TARBP1: variants seen among roughly 807,000 people sequenced by gnomAD.
The protein encoded by TARBP1 is tRNA (guanosine(18)-2'-O)-methyltransferase TARBP1.
In TARBP1, 144 loss-of-function variants were observed where a neutral mutation model predicts 178.6. The observed-to-expected ratio is 0.81, with a 90% confidence interval of 0.70 to 0.93. The LOEUF is 0.93. Ranked by LOEUF, TARBP1 falls within the 40% of genes least tolerant of loss-of-function variation. TARBP1 has a pLI of 0.00. For synonymous variants in TARBP1, 787 were observed against 781.0 expected (o/e 1.01, Z -0.13); for missense variants, 2,067 against 2,011.7 (o/e 1.03, Z -0.53).
chr1:234,434,883 G>A (rs1664844055), intron 13 of TARBP1, among the ~76,000 whole-genome samples: 1 of 152,174 alleles, frequency 6.6e-6, no homozygotes, highest in South Asian at 2.1e-4. Context: ...GGCTGGGGCA[G>A]GAGAAGCATG....
chr1:234,437,943 CG>C (rs1665200221), intron 12 of TARBP1, among the ~76,000 whole-genome samples: 1 of 152,184 alleles, frequency 6.6e-6, no homozygotes, highest in South Asian at 2.1e-4. Context: ...TGCACATGCA[CG>C]GATCTGATGC....
In TARBP1 at chr1:234,478,643, C is replaced by T. The variant is rs1325314066; in HGVS notation, c.461G>A (p.Arg154His). Residue 154 changes from arginine (R) to histidine (H), a missense_variant, in exon 1 of 30, where the codon CGC (arginine) becomes CAC (histidine). Physicochemically the swap from Arg to His is conservative, Grantham distance 29. Coordinates refer to ENST00000040877, the MANE Select transcript of TARBP1 (RefSeq NM_005646.4). ...GCGCTCCAGTAGCGGCCCGTCCTCG[C>T]GGGGCCGCAAACATGGCCCGACGGC... ...LAAVGPCLRP[R>H]EDGPLLERVA... 7.8e-7 allele frequency: 1 copy of T among 1,285,506 alleles called. No individual in the cohort carries two copies. The highest frequency in any genetic ancestry group is 9.8e-7 in the Non-Finnish European group (1 of 1,016,562). The allele number at this position is 1,285,506 out of a possible 1,614,324, so 79.6% of individuals were successfully genotyped here.
intron 20 of TARBP1, among the ~76,000 whole-genome samples, chr1:234,422,767 A>G (rs867904809): frequency 2.6e-5 from 4 of 152,256 alleles, no homozygotes; most frequent in Non-Finnish European, 5.9e-5. Flanking sequence ...TAAAGCATAA[A>G]TGCTTGAGGT....
intron 23 of TARBP1, among the ~76,000 whole-genome samples, chr1:234,408,993 C>T (rs1661541561): frequency 6.6e-6 from 1 of 152,190 alleles, no homozygotes; most frequent in Admixed American, 6.5e-5. Flanking sequence ...ATCCCACATG[C>T]AGGTTAAGTA....
At chr1:234,406,348 G>A (rs1033235676) in intron 23 of TARBP1, 38 of 470,502 alleles carry the variant, frequency 8.1e-5, no homozygotes, top group African/African-American at 1.2e-4. Context: ...ATTTCCCCCC[G>A]CCCCCCATAC....
Position 234,456,547 on chromosome 1 carries a change from T to A in TARBP1, c.1722+1120A>T, listed in dbSNP as rs188965189. Reference sequence around the variant, plus strand: ...AAGAAAAGGAACTAATACAATAAATTTTAAATGATACAATCAACTGCATTT... The same window carrying A: ...AAGAAAAGGAACTAATACAATAAATATTAAATGATACAATCAACTGCATTT... On this transcript the variant is annotated intron_variant, in intron 9 of 29. Coordinates refer to ENST00000040877, the MANE Select transcript of TARBP1 (RefSeq NM_005646.4). Among the ~76,000 whole-genome samples, 27 of 152,326 alleles carry A rather than the reference T, an allele frequency of 1.8e-4. No individual in the cohort carries two copies. The East Asian group carries it at 3.1e-3, about 17-fold the overall frequency.
chr1:234,409,130 C>T (rs1201984972), intron 23 of TARBP1, among the ~76,000 whole-genome samples: 1 of 151,822 alleles, frequency 6.6e-6, no homozygotes, highest in Non-Finnish European at 1.5e-5. Flanking sequence ...TCAACTTGGC[C>T]TTTTCTTAGG....
intron 25 of TARBP1, among the ~76,000 whole-genome samples, chr1:234,399,860 G>A (rs1221515024): frequency 2.4e-5 from 3 of 126,408 alleles, no homozygotes; most frequent in African/African-American, 5.9e-5. Flanking sequence ...ACAGGAAGGG[G>A]AACATTACAC....
intron 17 of TARBP1, among the ~76,000 whole-genome samples, chr1:234,428,463 G>A (rs1308543588): frequency 2.6e-5 from 4 of 152,134 alleles, no homozygotes; most frequent in African/African-American, 4.8e-5. Flanking sequence ...TCAACCGAGC[G>A]ATCAATTACA....
intron 12 of TARBP1, among the ~76,000 whole-genome samples, chr1:234,446,149 A>G (rs1666157164): frequency 1.3e-5 from 2 of 152,334 alleles, no homozygotes; most frequent in South Asian, 4.1e-4. Flanking sequence ...TTTAAACAGG[A>G]AATTTCTAAA....
intron 8 of TARBP1, among the ~76,000 whole-genome samples, chr1:234,458,144 G>C (rs903638006): frequency 2.0e-5 from 3 of 152,130 alleles, no homozygotes; most frequent in African/African-American, 4.8e-5. Context: ...AGGAGTTCGA[G>C]ACCAGCCTGG....
chr1:234,437,239 G>A, intron 13 of TARBP1, 36 bp downstream of exon 13: 1 of 1,115,750 alleles, frequency 9.0e-7, no homozygotes, highest in East Asian at 2.5e-5. Context: ...AAGAATGAAA[G>A]AAATGAAAAA....
intron 20 of TARBP1, among the ~76,000 whole-genome samples, chr1:234,421,518 G>GCC (rs34306371): frequency 0.47 from 71,559 of 151,926 alleles, 17,028 homozygotes; most frequent in African/African-American, 0.49. Context: ...CTCACCTTGT[G>GCC]CCCCCGTGTC....
Position 234,425,763 on chromosome 1 carries a change from A to G in TARBP1, c.3354T>C (p.Ile1118=), listed in dbSNP as rs898350428. Residue 1118 remains isoleucine, a synonymous_variant, in exon 20 of 30, where the codon ATT becomes ATC. Coordinates refer to ENST00000040877, the MANE Select transcript of TARBP1 (RefSeq NM_005646.4). ...NTKREDHYVR[I]CAVKFLCLLD... is the part of the protein sequence containing the mutation. ...ATAAACACAGGAATTTGACAGCACA[A>G]ATTCTCACATAATGGTCTTCTCTCT... 4 of 1,598,168 alleles carry G rather than the reference A, an allele frequency of 2.5e-6. No individual in the cohort carries two copies. Among genetic ancestry groups the G allele is most frequent in the Non-Finnish European group, 3.4e-6 (4 of 1,166,828 alleles).
At chr1:234,416,867 C>T (rs1244288013) in intron 22 of TARBP1, among the ~76,000 whole-genome samples, 1 of 152,116 alleles carries the variant, frequency 6.6e-6, no homozygotes, top group Non-Finnish European at 1.5e-5. Flanking sequence ...GCTGGAGAAG[C>T]AGGGACCGGC....
chr1:234,446,414 C>A (rs1418662611), intron 12 of TARBP1, among the ~76,000 whole-genome samples: 1 of 152,082 alleles, frequency 6.6e-6, no homozygotes, highest in East Asian at 1.9e-4. Flanking sequence ...GAGTGGCAAA[C>A]AGAAATGGAT....
At chr1:234,474,128 C>A (rs1415602769) in intron 1 of TARBP1, among the ~76,000 whole-genome samples, 1 of 151,872 alleles carries the variant, frequency 6.6e-6, no homozygotes, top group Non-Finnish European at 1.5e-5. Flanking sequence ...CCTATCGTCC[C>A]AGCTTCTCTG....
At chr1:234,455,987 CTA>C (rs1667231738) in intron 9 of TARBP1, among the ~76,000 whole-genome samples, 1 of 152,084 alleles carries the variant, frequency 6.6e-6, no homozygotes, top group Non-Finnish European at 1.5e-5. Context: ...TCACCAAATG[CTA>C]TGTTTTATCT....
chr1:234,478,180 T>C lies in TARBP1; in HGVS notation c.924A>G (p.Glu308=), dbSNP rs750877087. 3.7e-6 allele frequency: 6 copies of C among 1,611,778 alleles called. No individual in the cohort carries two copies. The East Asian group carries it at 1.1e-4, about 30-fold the overall frequency. The part of the protein sequence containing the change: ...LGADCTCGPQ[E]GNGPSLFWWS... ...GGGCAAAGAGGCAGGTACCGTTTCC[T>C]TCCTGGGGCCCGCAGGTGCAGTCGG... The change falls in exon 1 of 30, where the codon GAA becomes GAG. Residue 308 remains glutamate (E), a synonymous_variant. Coordinates refer to ENST00000040877, the MANE Select transcript of TARBP1 (RefSeq NM_005646.4).
Sources: allele counts gnomAD v4.1 joint callset (sites outside exome capture counted in the v4.1 genomes callset), GRCh38; gene constraint gnomAD v4.1.1; transcripts MANE v1.5; gene names NCBI Gene and HGNC (gene_info 2026-07-23, HGNC 2026-07-21).